The following PTPRG variants were observed in gnomAD, a reference collection of about 807,000 sequenced individuals.
The protein encoded by PTPRG is receptor-type tyrosine-protein phosphatase gamma.
In PTPRG, 102 loss-of-function variants were observed where a neutral mutation model predicts 165.3. The ratio of observed to expected loss-of-function variants is 0.62; its 90% CI spans 0.53 to 0.73. The LOEUF (loss-of-function observed/expected upper bound fraction) is 0.73. Ranked by LOEUF, PTPRG falls within the 30% of genes least tolerant of loss-of-function variation. The pLI is 0.00. For missense variants in PTPRG, 1,866 were observed against 1,861.4 expected (o/e 1.00, Z -0.05); for synonymous variants, 675 against 669.5 (o/e 1.01, Z -0.13).
At chr3:61,653,144 G>C (rs1378907704) in intron 1 of PTPRG, among the ~76,000 whole-genome samples, 1 of 151,918 alleles carries the variant, frequency 6.6e-6, no homozygotes, top group Non-Finnish European at 1.5e-5. Context: ...ATGTAGAGAT[G>C]AATGTGACTT....
At chr3:61,734,851 A>G (rs2032656704) in intron 1 of PTPRG, among the ~76,000 whole-genome samples, 2 of 152,190 alleles carry the variant, frequency 1.3e-5, no homozygotes, top group African/African-American at 4.8e-5. Context: ...TTGTATATAA[A>G]TAGATATTGA....
At chr3:62,241,528 G>A (rs1203413604) in intron 14 of PTPRG, among the ~76,000 whole-genome samples, 1 of 152,104 alleles carries the variant, frequency 6.6e-6, no homozygotes, top group Non-Finnish European at 1.5e-5. Context: ...AGCACATGGG[G>A]CACTAGAGTG....
In PTPRG at chr3:62,167,360, C is replaced by G. The variant is rs556075632; in HGVS notation, c.841-611C>G. 1.5e-3 allele frequency among the ~76,000 whole-genome samples: 235 copies of G among 152,178 alleles called. 1 individual carries two copies. The Middle Eastern group carries it at 0.065, about 42-fold the overall frequency. On this transcript the variant is annotated intron_variant, in intron 7 of 29. Coordinates refer to ENST00000474889, the MANE Select transcript of PTPRG (RefSeq NM_002841.4). ...TTGATCACTAGTATGTCGGAAGATG[C>G]CAAGAATTAAATCCCTAATATTTAT...
At chr3:61,871,005 A>G (rs1237072212) in intron 2 of PTPRG, among the ~76,000 whole-genome samples, 1 of 151,998 alleles carries the variant, frequency 6.6e-6, no homozygotes, top group Non-Finnish European at 1.5e-5. Flanking sequence ...GTTTGTTTAG[A>G]CTGTCAGTCT....
intron 2 of PTPRG, among the ~76,000 whole-genome samples, chr3:61,877,621 G>A (rs774876538): frequency 6.6e-6 from 1 of 152,222 alleles, no homozygotes; most frequent in Non-Finnish European, 1.5e-5. Context: ...AGTAGTAACT[G>A]CTTACTTGCA....
chr3:62,281,971 TC>T (rs1702467458), intron 27 of PTPRG, among the ~76,000 whole-genome samples: 1 of 152,010 alleles, frequency 6.6e-6, no homozygotes, highest in Non-Finnish European at 1.5e-5. Flanking sequence ...ATACTAGAAC[TC>T]AATATTTTCT....
chr3:62,283,012 C>A, intron 28 of PTPRG, 143 bp downstream of exon 28: 1 of 730,142 alleles, frequency 1.4e-6, no homozygotes, highest in South Asian at 1.9e-5. Flanking sequence ...CTACTGTGGA[C>A]ATGTACAAAG....
At chr3:61,945,432 G>A (rs12490096) in intron 2 of PTPRG, among the ~76,000 whole-genome samples, 27,981 of 151,582 alleles carry the variant, frequency 0.18, 2,786 homozygotes, top group African/African-American at 0.27. Flanking sequence ...GATGGTAGGC[G>A]CCTATAATCC....
intron 7 of PTPRG, among the ~76,000 whole-genome samples, chr3:62,157,602 A>G (rs560652294): frequency 6.6e-6 from 1 of 152,306 alleles, no homozygotes; most frequent in East Asian, 1.9e-4. Flanking sequence ...TGTGAGGTAG[A>G]TGCTATTTGT....
Position 62,224,536 on chromosome 3 carries a change from C to T in PTPRG, c.2288+5553C>T, listed in dbSNP as rs568103048. On this transcript the variant is annotated intron_variant, in intron 13 of 29. Coordinates refer to ENST00000474889, the MANE Select transcript of PTPRG (RefSeq NM_002841.4). The surrounding 1 kb of genome is among the most constrained non-coding windows in gnomAD (Gnocchi z 4.9). The stretch of plus-strand genomic sequence containing the variant: ...GGACACAGATGAGGTAGGGGGAACA[C>T]GTGGGTATTTGTTAAGCACTGCCAC... Among the ~76,000 whole-genome samples, 49 of 152,282 alleles carry T rather than the reference C, an allele frequency of 3.2e-4. 2 individuals are homozygous for T. In the South Asian group the frequency reaches 8.7e-3, roughly 27 times the overall value.
chr3:61,719,106 A>C (rs1425655923), intron 1 of PTPRG, among the ~76,000 whole-genome samples: 1 of 152,112 alleles, frequency 6.6e-6, no homozygotes, highest in Non-Finnish European at 1.5e-5. Context: ...AGCTTTCCCA[A>C]ACAGCAAGGA....
chr3:62,118,783 T>G (rs1224040029), intron 5 of PTPRG, among the ~76,000 whole-genome samples: 1 of 152,162 alleles, frequency 6.6e-6, no homozygotes, highest in African/African-American at 2.4e-5. Context: ...CCAGGAGGTG[T>G]GTGTCATTGT....
At chr3:61,884,102 G>A (rs563527686) in intron 2 of PTPRG, among the ~76,000 whole-genome samples, 3 of 152,152 alleles carry the variant, frequency 2.0e-5, no homozygotes, top group Non-Finnish European at 4.4e-5. Context: ...GACATTTATA[G>A]TCACCTCTTT....
intron 12 of PTPRG, among the ~76,000 whole-genome samples, chr3:62,206,248 T>C (rs1700226401): frequency 1.3e-5 from 2 of 152,040 alleles, no homozygotes; most frequent in African/African-American, 2.4e-5. Flanking sequence ...GGAGAAGAAA[T>C]GGATGGCAAA....
intron 2 of PTPRG, among the ~76,000 whole-genome samples, chr3:61,859,561 A>G (rs73096136): frequency 5.3e-5 from 8 of 151,020 alleles, no homozygotes; most frequent in South Asian, 2.1e-4. Context: ...CCCCAGGACA[A>G]TTGACACAAG....
chr3:61,571,129 A>G (rs549831179), intron 1 of PTPRG, among the ~76,000 whole-genome samples: 3 of 152,306 alleles, frequency 2.0e-5, no homozygotes, highest in East Asian at 3.9e-4. Flanking sequence ...CATGTGATCT[A>G]TGCCCCGTGC....
intron 1 of PTPRG, among the ~76,000 whole-genome samples, chr3:61,706,069 G>C (rs898621435): frequency 1.3e-5 from 2 of 152,154 alleles, no homozygotes; most frequent in Non-Finnish European, 2.9e-5. Context: ...AAAAATGATT[G>C]ATTATGAGGA....
chr3:61,647,707 G>GTGTGAACC (rs1702241042), intron 1 of PTPRG, among the ~76,000 whole-genome samples: 1 of 144,208 alleles, frequency 6.9e-6, no homozygotes, highest in Admixed American at 7.6e-5. Flanking sequence ...CAGAAGAATG[G>GTGTGAACC]TGTGAACCTG....
intron 8 of PTPRG, among the ~76,000 whole-genome samples, chr3:62,187,878 A>G (rs965943549): frequency 6.6e-6 from 1 of 152,166 alleles, no homozygotes; most frequent in Non-Finnish European, 1.5e-5. Context: ...GGATCTTTGG[A>G]GGCCATTAAG....
Sources: gnomAD v4.1 joint callset for allele counts (sites outside exome capture counted in the v4.1 genomes callset) on GRCh38, gnomAD v4.1.1 for gene constraint, Gnocchi (gnomAD v3.1) non-coding constraint, MANE v1.5 for transcripts, NCBI Gene and HGNC (gene_info 2026-07-23, HGNC 2026-07-21) for gene names.